The following AKR1C2 variants were observed in gnomAD, a reference collection of about 807,000 sequenced individuals.
AKR1C2 encodes the protein aldo-keto reductase family 1 member C2.
A neutral mutation model predicts 39.8 loss-of-function variants in AKR1C2; 27 were observed. That is an observed-to-expected ratio of 0.68 (90% CI 0.50 to 0.93). The LOEUF (loss-of-function observed/expected upper bound fraction) is 0.93, where lower values mean the gene tolerates loss of function less well. Among genes scored for constraint, AKR1C2 ranks in the 40% least tolerant of loss-of-function variants. The pLI is 0.00. For synonymous variants in AKR1C2, 114 were observed against 137.9 expected (o/e 0.83, Z 1.22); for missense variants, 263 against 365.1 (o/e 0.72, Z 2.28).
chr10:5,017,530 G>A (rs1466393625), intron 1 of AKR1C2, among the ~76,000 whole-genome samples: 3 of 152,086 alleles, frequency 2.0e-5, no homozygotes, highest in African/African-American at 4.8e-5. Context: ...TTCCCAATAA[G>A]TTTCTCATCT....
upstream of AKR1C2, among the ~76,000 whole-genome samples, chr10:5,004,466 G>A (rs1270607732): frequency 1.3e-5 from 2 of 151,976 alleles, no homozygotes; most frequent in East Asian, 1.9e-4. Context: ...TGATGTGGGT[G>A]TAAATAAAAA....
intron 7 of AKR1C2, among the ~76,000 whole-genome samples, chr10:4,993,026 A>G (rs1554772434): frequency 6.6e-6 from 1 of 152,216 alleles, no homozygotes; most frequent in Non-Finnish European, 1.5e-5. Context: ...ATTAATAAGT[A>G]GTGGGATATT....
At chr10:5,005,719 A>G (rs1837390042), upstream of AKR1C2, among the ~76,000 whole-genome samples, 1 of 152,158 alleles carries the variant, frequency 6.6e-6, no homozygotes, top group Non-Finnish European at 1.5e-5. Flanking sequence ...AGAAACAAGA[A>G]ATCACAGTCC....
chr10:5,000,663 A>C lies in AKR1C2; in HGVS notation c.256T>G (p.Trp86Gly), dbSNP rs1554773755. Reference sequence around the variant, plus strand: ...AACTCTGGTCGATGGGAATTGCTCCAAAGCTGCAGAGGTTAGAGAAACGAA... The same window carrying C: ...AACTCTGGTCGATGGGAATTGCTCCCAAGCTGCAGAGGTTAGAGAAACGAA... ...REDIFYTSKL[W>G]SNSHRPELVR... The change falls in exon 3 of 9, where the codon TGG becomes GGG. Residue 86 changes from tryptophan (W) to glycine (G), a missense_variant. By Grantham distance (184) the Trp-to-Gly change is radical. Coordinates refer to ENST00000380753, the MANE Select transcript of AKR1C2 (RefSeq NM_001393392.1). 1.2e-6 allele frequency: 2 copies of C among 1,612,880 alleles called. No homozygotes were observed. Among genetic ancestry groups the C allele is most frequent in the Middle Eastern group, 1.7e-4 (1 of 6,044 alleles).
At chr10:5,014,445 G>A (rs138740540) in intron 1 of AKR1C2, among the ~76,000 whole-genome samples, 5,424 of 152,042 alleles carry the variant, frequency 0.036, 129 homozygotes, top group Non-Finnish European at 0.042. Flanking sequence ...CATCTCATCC[G>A]AAATGCATGC....
chr10:5,003,087 A>C lies in AKR1C2; in HGVS notation c.84+665T>G, dbSNP rs1441309006. 5.9e-5 allele frequency among the ~76,000 whole-genome samples: 9 copies of C among 152,110 alleles called. No individual in the cohort carries two copies. In the South Asian group the frequency reaches 6.2e-4, roughly 11 times the overall value. ...TATTTCTAAATCTAGAAAATAAAAT[A>C]TATTCCATTAATTTTCTTGTCAGAG... On this transcript the variant is annotated intron_variant, in intron 1 of 8. Transcript: ENST00000380753.
chr10:5,000,649 A>T lies in AKR1C2; in HGVS notation c.270T>A (p.His90Gln). ...AGGCTGGTCGGACCAACTCTGGTCG[A>T]TGGGAATTGCTCCAAAGCTGCAGAG... ...FYTSKLWSNS[H>Q]RPELVRPALE... is the part of the protein sequence containing the mutation. The change falls in exon 3 of 9, where the codon CAT becomes CAA. Residue 90 changes from histidine to glutamine, a missense_variant. Physicochemically the swap from His to Gln is conservative, Grantham distance 24. Transcript: ENST00000380753. The T allele has an allele frequency of 6.2e-7, 1 of 1,613,812 alleles. No individual in the cohort carries two copies. Among genetic ancestry groups the T allele is most frequent in the Non-Finnish European group, 8.5e-7 (1 of 1,179,820 alleles).
intron 1 of AKR1C2, among the ~76,000 whole-genome samples, chr10:5,013,095 G>T (rs1265282105): frequency 1.3e-5 from 2 of 152,010 alleles, no homozygotes; most frequent in African/African-American, 4.8e-5. Flanking sequence ...ATGAGTACTA[G>T]GCTTCATACC....
chr10:5,009,203 A>G (rs1467771276), intron 1 of AKR1C2, among the ~76,000 whole-genome samples: 1 of 152,192 alleles, frequency 6.6e-6, no homozygotes, highest in African/African-American at 2.4e-5. Flanking sequence ...CAACCCATGA[A>G]ATTTAAAGTA....
chr10:5,015,660 T>C (rs1554775306), intron 1 of AKR1C2, among the ~76,000 whole-genome samples: 1 of 152,170 alleles, frequency 6.6e-6, no homozygotes, highest in African/African-American at 2.4e-5. Flanking sequence ...CACCTTCCCA[T>C]AGACGGCCAA....
At chr10:5,010,757 G>A (rs781948644) in intron 1 of AKR1C2, 6 of 152,126 alleles carry the variant, frequency 3.9e-5, no homozygotes, top group Admixed American at 2.6e-4. Flanking sequence ...CCCTAAAACC[G>A]TAATGAAAAA....
At chr10:5,012,006 G>A (rs1837533730) in intron 1 of AKR1C2, among the ~76,000 whole-genome samples, 1 of 152,236 alleles carries the variant, frequency 6.6e-6, no homozygotes, top group Non-Finnish European at 1.5e-5. Flanking sequence ...CAGCAATGCT[G>A]GAGTTCTCTG....
chr10:4,993,842 T>C (rs556989637), intron 7 of AKR1C2, among the ~76,000 whole-genome samples: 1 of 151,554 alleles, frequency 6.6e-6, no homozygotes, highest in African/African-American at 2.4e-5. Flanking sequence ...ATATACTAGA[T>C]GAATTAGAGA....
rs1299985870 is a variant in AKR1C2 at position 4,989,590 on chromosome 10, G to A, written c.*406C>T. The A allele has an allele frequency of 4.7e-6, 1 of 214,988 alleles. No individual in the cohort carries two copies. The highest frequency in any genetic ancestry group is 2.4e-5 in the African/African-American group (1 of 41,216). 13.3% of individuals were successfully genotyped at this position (214,988 alleles called of 1,614,324 possible). The stretch of plus-strand genomic sequence containing the variant: ...TACAAGAGCTAGAGAGGCACTGACT[G>A]ATAAATACCTGTCACCTGCCCCTTT... On this transcript the variant is annotated 3_prime_UTR_variant, in exon 9 of 9. Transcript: ENST00000380753.
At chr10:5,006,829 G>C (rs149428553), upstream of AKR1C2, among the ~76,000 whole-genome samples, 42 of 150,908 alleles carry the variant, frequency 2.8e-4, no homozygotes, top group African/African-American at 9.7e-4. Flanking sequence ...AGGCTGGAGT[G>C]CAGTGGTACA....
rs112698477 is a variant in AKR1C2 at position 5,014,611 on chromosome 10, A to T, written c.-88+3289T>A. On this transcript the variant is annotated intron_variant, in intron 1 of 6. Coordinates refer to the AKR1C2 transcript ENST00000604507. ...AGGATACTGGGATTTGAAAGCTGTCAGATCTATTTGGGGAATTAAAGGTGC... is the reference window on the plus strand; with the variant it reads ...AGGATACTGGGATTTGAAAGCTGTCTGATCTATTTGGGGAATTAAAGGTGC... 6.7e-3 allele frequency among the ~76,000 whole-genome samples: 1,026 copies of T among 152,258 alleles called. 15 individuals carry two copies. Among genetic ancestry groups the T allele is most frequent in the African/African-American group, 0.023 (975 of 41,534 alleles).
At chr10:5,009,935 C>T (rs1390602364) in intron 1 of AKR1C2, among the ~76,000 whole-genome samples, 42 of 143,416 alleles carry the variant, frequency 2.9e-4, no homozygotes, top group African/African-American at 1.1e-3. Flanking sequence ...CTCATTCCCC[C>T]ATTCCGGCTC....
intron 8 of AKR1C2, among the ~76,000 whole-genome samples, chr10:4,990,282 A>T (rs1836788879): frequency 1.3e-5 from 2 of 152,256 alleles, no homozygotes; most frequent in African/African-American, 4.8e-5. Flanking sequence ...ACAAAGTGAA[A>T]TGTTCAAACA....
At chr10:4,997,653 T>C (rs1348422928) in intron 5 of AKR1C2, among the ~76,000 whole-genome samples, 5 of 152,148 alleles carry the variant, frequency 3.3e-5, no homozygotes, top group Admixed American at 2.0e-4. Context: ...AAAATGGCCA[T>C]ATTAAAAAAT....
Sources: gnomAD v4.1 joint callset for allele counts (sites outside exome capture counted in the v4.1 genomes callset) on GRCh38, gnomAD v4.1.1 for gene constraint, MANE v1.5 for transcripts, NCBI Gene and HGNC (gene_info 2026-07-23, HGNC 2026-07-21) for gene names.